Variants in CELF2 observed in about 807,000 individuals in gnomAD.
The protein encoded by CELF2 is CUG triplet repeat RNA-binding protein 2.
A neutral mutation model predicts 62.6 loss-of-function variants in CELF2; 8 were observed. The observed-to-expected ratio is 0.13, with a 90% CI of 0.07 to 0.23. The LOEUF (loss-of-function observed/expected upper bound fraction) is 0.23. Among genes scored for constraint, CELF2 ranks in the 10% least tolerant of loss-of-function variants. CELF2 has a pLI of 1.00. For missense variants in CELF2, 333 were observed against 671.0 expected (o/e 0.50, Z 5.56); for synonymous variants, 258 against 250.0 (o/e 1.03, Z -0.30).
the CELF2 span, among the ~76,000 whole-genome samples, chr10:10,625,363 G>A: frequency 6.6e-6 from 1 of 152,190 alleles, no homozygotes; most frequent in Non-Finnish European, 1.5e-5. Context: ...ACATATTAAT[G>A]CATTTGATGC....
chr10:11,014,530 T>C (rs2056961306), upstream of CELF2, among the ~76,000 whole-genome samples: 1 of 152,106 alleles, frequency 6.6e-6, no homozygotes, highest in African/African-American at 2.4e-5. Flanking sequence ...GGTTCACTGA[T>C]TGAGTGAGGT....
chr10:11,116,169 C>T (rs528301736), intron 1 of CELF2, among the ~76,000 whole-genome samples: 10 of 152,292 alleles, frequency 6.6e-5, no homozygotes, highest in South Asian at 2.1e-4. Context: ...AATGCTAGAT[C>T]GTAGAAATGT....
chr10:11,047,894 T>C (rs534518725), intron 1 of CELF2, among the ~76,000 whole-genome samples: 30 of 152,358 alleles, frequency 2.0e-4, no homozygotes, highest in Non-Finnish European at 4.1e-4. Context: ...TGAAATACTT[T>C]GGGACAAACC....
At chr10:10,508,139 G>A in the CELF2 span, among the ~76,000 whole-genome samples, 4 of 148,930 alleles carry the variant, frequency 2.7e-5, no homozygotes, top group African/African-American at 7.4e-5. Context: ...CTCCTGGGAG[G>A]TGTCTGTGCT....
At position 11,211,789 on chromosome 10, in the gene CELF2, TGTGAGAGA is replaced by T. The variant is rs1565329516; in HGVS notation, c.272-5634_272-5627del. ...GTGAGTGAGAGTGTGTGTGTATGTG[TGTGAGAGA>T]GAGAGAGAGAGAGAGAGTGTGTGTG... is the stretch of plus-strand genomic sequence containing the variant. On this transcript the variant is annotated intron_variant, in intron 2 of 12. Coordinates refer to ENST00000633077, the MANE Select transcript of CELF2 (RefSeq NM_001326342.2). The surrounding 1 kb of genome is among the most constrained non-coding windows in gnomAD (Gnocchi z 4.8). Among the ~76,000 whole-genome samples, 3 of 88,120 alleles carry T rather than the reference TGTGAGAGA, an allele frequency of 3.4e-5. No individual in the cohort carries two copies. Among genetic ancestry groups the T allele is most frequent in the East Asian group, 2.5e-4 (1 of 4,002 alleles). The allele number at this position is 88,120 out of a possible 152,430, so 57.8% of individuals were successfully genotyped here. A position where few individuals can be genotyped will look rare whatever the true frequency, so the allele number is the denominator to read the frequency against.
intron 1 of CELF2, among the ~76,000 whole-genome samples, chr10:10,831,976 A>C (rs2057898674): frequency 6.7e-6 from 1 of 150,068 alleles, no homozygotes; most frequent in African/African-American, 2.5e-5. Context: ...CATCTTGAAA[A>C]AATAAATAAG....
chr10:11,316,379 G>A lies in CELF2; in HGVS notation c.1096+2121G>A, dbSNP rs1428586409. Among the ~76,000 whole-genome samples, 1 of 152,208 alleles carries A rather than the reference G, an allele frequency of 6.6e-6. No individual in the cohort carries two copies. The highest frequency in any genetic ancestry group is 2.4e-5 in the African/African-American group (1 of 41,448). On this transcript the variant is annotated intron_variant, in intron 10 of 12. Transcript: ENST00000633077. The surrounding 1 kb of genome is among the most constrained non-coding windows in gnomAD (Gnocchi z 4.4). ...GTGATTGGAAAGTGTTACTAATGCAGAGCCGTTTTACAATCTCCAGCATTG... is the reference window on the plus strand; with the variant it reads ...GTGATTGGAAAGTGTTACTAATGCAAAGCCGTTTTACAATCTCCAGCATTG...
At chr10:10,488,710 G>C in the CELF2 span, among the ~76,000 whole-genome samples, 444 of 152,170 alleles carry the variant, frequency 2.9e-3, 3 homozygotes, top group African/African-American at 0.01. Context: ...TTTGTATAAT[G>C]ATGGTATTAA....
chr10:10,727,812 CAG>C, the CELF2 span, among the ~76,000 whole-genome samples: 1 of 151,396 alleles, frequency 6.6e-6, no homozygotes. Flanking sequence ...GAAAAGAAAA[CAG>C]AGTGTCATCT....
At chr10:11,160,249 G>T (rs554302274) in intron 1 of CELF2, among the ~76,000 whole-genome samples, 9 of 152,234 alleles carry the variant, frequency 5.9e-5, no homozygotes, top group Non-Finnish European at 8.8e-5. Flanking sequence ...AAACTGAGGC[G>T]CAGAGTGGTC....
At chr10:10,822,366 G>A (rs762840991) in intron 1 of CELF2, among the ~76,000 whole-genome samples, 13 of 152,226 alleles carry the variant, frequency 8.5e-5, no homozygotes, top group Admixed American at 2.0e-4. Flanking sequence ...CTGCAGTAAA[G>A]GAAGAGATTT....
intron 2 of CELF2, among the ~76,000 whole-genome samples, chr10:11,181,713 C>T (rs1024418883): frequency 2.6e-4 from 39 of 152,106 alleles, no homozygotes; most frequent in African/African-American, 9.4e-4. Flanking sequence ...TTTGTCATCT[C>T]TAACTCTAAG....
At chr10:11,208,337 A>G (rs1445647846) in intron 2 of CELF2, among the ~76,000 whole-genome samples, 1 of 152,304 alleles carries the variant, frequency 6.6e-6, no homozygotes, top group East Asian at 1.9e-4. Context: ...TCTGTGACAC[A>G]GGCGCCTTCG....
At chr10:11,153,232 A>G (rs2063672015) in intron 1 of CELF2, among the ~76,000 whole-genome samples, 1 of 152,094 alleles carries the variant, frequency 6.6e-6, no homozygotes, top group Non-Finnish European at 1.5e-5. Flanking sequence ...ATATAGATAG[A>G]TATTTTTGAA....
chr10:10,640,432 C>T, the CELF2 span, among the ~76,000 whole-genome samples: 1 of 152,140 alleles, frequency 6.6e-6, no homozygotes, highest in South Asian at 2.1e-4. Context: ...ATTGTTATGC[C>T]CTCCTTGTGA....
chr10:10,551,235 C>A, the CELF2 span, among the ~76,000 whole-genome samples: 148 of 152,276 alleles, frequency 9.7e-4, 1 homozygote, highest in South Asian at 3.5e-3. Flanking sequence ...CTTAAGAGGC[C>A]TCTATGACCC....
At chr10:10,562,745 T>C in the CELF2 span, among the ~76,000 whole-genome samples, 2 of 132,962 alleles carry the variant, frequency 1.5e-5, no homozygotes, top group Non-Finnish European at 3.0e-5. Context: ...TCCCATTCCT[T>C]CCCTTTTATT....
intron 1 of CELF2, among the ~76,000 whole-genome samples, chr10:11,025,635 G>T (rs1180328817): frequency 6.6e-6 from 1 of 152,158 alleles, no homozygotes; most frequent in Non-Finnish European, 1.5e-5. Flanking sequence ...CTTTATAGCA[G>T]TTTGAAAATG....
intron 3 of CELF2, among the ~76,000 whole-genome samples, chr10:11,248,563 C>T (rs1333298624): frequency 6.6e-6 from 1 of 152,174 alleles, no homozygotes; most frequent in Non-Finnish European, 1.5e-5. Context: ...CTTCAAATTA[C>T]TCATGAGGCC....
Sources: allele counts gnomAD v4.1 joint callset (sites outside exome capture counted in the v4.1 genomes callset), GRCh38; gene constraint gnomAD v4.1.1; non-coding constraint Gnocchi (gnomAD v3.1); transcripts MANE v1.5; gene names NCBI Gene and HGNC (gene_info 2026-07-23, HGNC 2026-07-21).